The following ZNF827 variants were observed in gnomAD, a reference collection of about 807,000 sequenced individuals.
ZNF827 encodes zinc finger protein 827.
ZNF827 carries 13 observed loss-of-function variants against 102.4 expected under a neutral mutation model. The ratio of observed to expected loss-of-function variants is 0.13; its 90% CI spans 0.08 to 0.20. ZNF827 has a LOEUF of 0.20. Ranked by LOEUF, ZNF827 falls within the 10% of genes least tolerant of loss-of-function variation. ZNF827 has a pLI of 1.00. For synonymous variants in ZNF827, 523 were observed against 536.2 expected (o/e 0.98, Z 0.34); for missense variants, 1,103 against 1,344.4 (o/e 0.82, Z 2.81).
chr4:145,883,730 C>T (rs576204201), intron 4 of ZNF827, among the ~76,000 whole-genome samples: 3 of 152,314 alleles, frequency 2.0e-5, no homozygotes, highest in South Asian at 2.1e-4. Context: ...TTCACCCCCA[C>T]TCGGATTGCC....
intron 5 of ZNF827, among the ~76,000 whole-genome samples, chr4:145,852,627 C>A (rs891137961): frequency 5.9e-5 from 9 of 152,072 alleles, no homozygotes; most frequent in Non-Finnish European, 1.3e-4. Context: ...TTCTCAACCT[C>A]GGTACTACTG....
At chr4:145,860,259 T>C (rs1747568440) in intron 5 of ZNF827, among the ~76,000 whole-genome samples, 1 of 152,158 alleles carries the variant, frequency 6.6e-6, no homozygotes, top group African/African-American at 2.4e-5. Flanking sequence ...TGAGGGCCTC[T>C]TTTCCTCTTG....
At chr4:145,874,498 A>G (rs1423682790) in intron 4 of ZNF827, among the ~76,000 whole-genome samples, 1 of 152,242 alleles carries the variant, frequency 6.6e-6, no homozygotes, top group African/African-American at 2.4e-5. Flanking sequence ...TGAGAACAGT[A>G]CATAAAGCCT....
intron 11 of ZNF827, among the ~76,000 whole-genome samples, chr4:145,773,923 C>A (rs1736654696): frequency 1.3e-5 from 2 of 152,106 alleles, no homozygotes; most frequent in South Asian, 4.2e-4. Flanking sequence ...CCAAGTGTTT[C>A]TCGGGGCTGT....
intron 8 of ZNF827, among the ~76,000 whole-genome samples, chr4:145,822,932 G>A (rs1579289243): frequency 6.6e-6 from 1 of 152,166 alleles, no homozygotes; most frequent in African/African-American, 2.4e-5. Flanking sequence ...AGATACTATG[G>A]CCAAGAAGAG....
chr4:145,932,272 T>C (rs542602722), intron 1 of ZNF827, among the ~76,000 whole-genome samples: 1 of 152,334 alleles, frequency 6.6e-6, no homozygotes, highest in East Asian at 1.9e-4. Flanking sequence ...AGTCCAAAGA[T>C]ACCAATTTGC....
intron 7 of ZNF827, among the ~76,000 whole-genome samples, chr4:145,838,980 A>G (rs188608938): frequency 9.2e-5 from 14 of 152,328 alleles, no homozygotes; most frequent in African/African-American, 2.6e-4. Context: ...CTACATCTCA[A>G]TTATGACCCT....
intron 7 of ZNF827, among the ~76,000 whole-genome samples, chr4:145,842,210 C>A (rs1401620798): frequency 6.6e-6 from 1 of 152,150 alleles, no homozygotes; most frequent in Non-Finnish European, 1.5e-5. Flanking sequence ...AAAAAAATTG[C>A]CAGCAAAGAA....
At chr4:145,790,161 T>C (rs1185818060) in intron 8 of ZNF827, among the ~76,000 whole-genome samples, 1 of 152,206 alleles carries the variant, frequency 6.6e-6, no homozygotes, top group Non-Finnish European at 1.5e-5. Flanking sequence ...AGCAAATCTT[T>C]AAATTCAAAA....
chr4:145,843,101 C>T (rs1389428676), intron 7 of ZNF827, among the ~76,000 whole-genome samples: 3 of 151,540 alleles, frequency 2.0e-5, no homozygotes, highest in African/African-American at 7.3e-5. Context: ...TCAGTTAACT[C>T]AGGTTAAAGA....
intron 5 of ZNF827, among the ~76,000 whole-genome samples, chr4:145,858,959 G>C (rs1248683686): frequency 1.3e-5 from 2 of 152,166 alleles, no homozygotes; most frequent in Non-Finnish European, 2.9e-5. Flanking sequence ...ATATGCACTA[G>C]TATATAACAC....
intron 5 of ZNF827, among the ~76,000 whole-genome samples, chr4:145,856,166 T>C (rs1747088652): frequency 6.6e-6 from 1 of 152,052 alleles, no homozygotes; most frequent in Non-Finnish European, 1.5e-5. Flanking sequence ...GGCTAATTTT[T>C]TGTATTTTTA....
At chr4:145,924,097 CA>C (rs2126972385) in intron 1 of ZNF827, among the ~76,000 whole-genome samples, 2 of 152,348 alleles carry the variant, frequency 1.3e-5, no homozygotes, top group African/African-American at 4.8e-5. Flanking sequence ...CATGCATCAA[CA>C]TGGATAAATC....
chr4:145,765,415 G>T lies in ZNF827; in HGVS notation c.3052+132C>A. 2 of 1,159,712 alleles carry T rather than the reference G, an allele frequency of 1.7e-6. No individual in the cohort carries two copies. The highest frequency in any genetic ancestry group is 2.4e-6 in the Non-Finnish European group (2 of 836,674). The allele number at this position is 1,159,712 out of a possible 1,614,324, so 71.8% of individuals were successfully genotyped here. ...TAAGCCAAAAGAAATACAACCTTTA[G>T]GTGAGGCCCAGCATACTGCATCCTG... On this transcript the variant is annotated intron_variant, in intron 12 of 14. Coordinates refer to ENST00000508784, the MANE Select transcript of ZNF827 (RefSeq NM_001306215.2). This position sits in a 1 kb window ranked among gnomAD's most constrained non-coding sequence, Gnocchi z 4.7.
intron 4 of ZNF827, among the ~76,000 whole-genome samples, chr4:145,871,278 TA>T (rs1210077625): frequency 6.6e-6 from 1 of 152,242 alleles, no homozygotes; most frequent in Non-Finnish European, 1.5e-5. Context: ...TACTATGAGC[TA>T]AACTCTAGAT....
intron 3 of ZNF827, among the ~76,000 whole-genome samples, chr4:145,887,470 A>G (rs896906969): frequency 4.6e-5 from 7 of 152,230 alleles, no homozygotes. Context: ...CTGTCGCTAC[A>G]GCACCCCACT....
At position 145,762,450 on chromosome 4, in the gene ZNF827, T is replaced by C. The variant is rs978721767; in HGVS notation, c.*17+640A>G. ...TGGAAATTCTCAGAGGGCAGGACCA[T>C]ATCTTACATTTCCTCTGCATTCTCT... On this transcript the variant is annotated intron_variant, in intron 14 of 14. Coordinates refer to ENST00000508784, the MANE Select transcript of ZNF827 (RefSeq NM_001306215.2). The surrounding 1 kb of genome is among the most constrained non-coding windows in gnomAD (Gnocchi z 4.9). 6.6e-6 allele frequency among the ~76,000 whole-genome samples: 1 copy of C among 152,216 alleles called. No individual in the cohort carries two copies. Among genetic ancestry groups the C allele is most frequent in the Non-Finnish European group, 1.5e-5 (1 of 68,044 alleles).
Position 145,761,391 on chromosome 4 carries a change from G to A in ZNF827, c.*225C>T, listed in dbSNP as rs1340651798. ...CGGTGTGGACGCGCACGTGCTCGAT[G>A]AGCTTGTTGGCGGTCTTGGACAGGT... On this transcript the variant is annotated 3_prime_UTR_variant, in exon 15 of 15. Transcript: ENST00000508784. The surrounding 1 kb of genome is among the most constrained non-coding windows in gnomAD (Gnocchi z 6.8). 1 of 1,289,910 alleles carries A rather than the reference G, an allele frequency of 7.8e-7. No homozygotes were observed. The highest frequency in any genetic ancestry group is 1.0e-6 in the Non-Finnish European group (1 of 988,878). The allele number at this position is 1,289,910 out of a possible 1,614,324, so 79.9% of individuals were successfully genotyped here.
At chr4:145,792,355 A>T (rs556284899) in intron 8 of ZNF827, among the ~76,000 whole-genome samples, 9 of 151,634 alleles carry the variant, frequency 5.9e-5, no homozygotes, top group Admixed American at 5.9e-4. Context: ...AGGGCATCCT[A>T]TTGTTTTCAG....
Sources: gnomAD v4.1 joint callset for allele counts (sites outside exome capture counted in the v4.1 genomes callset) on GRCh38, gnomAD v4.1.1 for gene constraint, Gnocchi (gnomAD v3.1) non-coding constraint, MANE v1.5 for transcripts, NCBI Gene and HGNC (gene_info 2026-07-23, HGNC 2026-07-21) for gene names.